The following SCARF1 variants were observed in gnomAD, a reference collection of about 807,000 sequenced individuals.
SCARF1 encodes acetyl LDL receptor.
A neutral mutation model predicts 76.3 loss-of-function variants in SCARF1; 49 were observed. The observed-to-expected ratio is 0.64, with a 90% CI of 0.51 to 0.81. The LOEUF (loss-of-function observed/expected upper bound fraction) is 0.81. SCARF1 is among the 40% of genes least tolerant of loss of function. SCARF1 has a pLI of 0.00. For synonymous variants in SCARF1, 495 were observed against 474.6 expected (o/e 1.04, Z -0.56); for missense variants, 1,098 against 1,143.9 (o/e 0.96, Z 0.58).
Position 1,635,534 on chromosome 17 carries a change from G to A in SCARF1, c.1717C>T (p.Pro573Ser). The A allele has an allele frequency of 1.2e-6, 2 of 1,613,370 alleles. No homozygotes were observed. The highest frequency in any genetic ancestry group is 2.2e-5 in the South Asian group (2 of 91,078). ...AFPPPEDASTPFAIPRTSSLA... is the reference protein window; with the variant it reads ...AFPPPEDASTSFAIPRTSSLA... ...CTGGAGGTGCGCGGGATGGCGAATG[G>A]CGTGGAGGCGTCCTCAGGGGGCGGG... The change falls in exon 11 of 11, where the codon CCA becomes TCA. Residue 573 changes from proline to serine, a missense_variant. Pro to Ser is a moderately conservative substitution (Grantham distance 74). Coordinates refer to ENST00000263071, the MANE Select transcript of SCARF1 (RefSeq NM_003693.4).
chr17:1,640,389 G>T lies in SCARF1; in HGVS notation c.1010+59C>A. Reference sequence around the variant, plus strand: ...GAGGGTGGTGCTCTCGGAGAGAGCCGCTGAGCTGAGGGTCCTGGGGGAAGG... The same window carrying T: ...GAGGGTGGTGCTCTCGGAGAGAGCCTCTGAGCTGAGGGTCCTGGGGGAAGG... On this transcript the variant is annotated intron_variant, in intron 5 of 10. Coordinates refer to ENST00000263071, the MANE Select transcript of SCARF1 (RefSeq NM_003693.4). The surrounding 1 kb of genome is among the most constrained non-coding windows in gnomAD (Gnocchi z 4.7). The T allele has an allele frequency of 1.4e-6, 2 of 1,444,874 alleles. No homozygotes were observed. Among genetic ancestry groups the T allele is most frequent in the Non-Finnish European group, 1.9e-6 (2 of 1,058,646 alleles). The allele number at this position is 1,444,874 out of a possible 1,614,324, so 89.5% of individuals were successfully genotyped here.
chr17:1,635,349 C>T lies in SCARF1; in HGVS notation c.1902G>A (p.Glu634=), dbSNP rs1462741811. 1 of 1,613,248 alleles carries T rather than the reference C, an allele frequency of 6.2e-7. No individual in the cohort carries two copies. The change falls in exon 11 of 11, where the codon GAG becomes GAA. Residue 634 remains glutamate (E), a synonymous_variant. Coordinates refer to ENST00000263071, the MANE Select transcript of SCARF1 (RefSeq NM_003693.4). ...CTTCTGCTTCCTCTGGGCCTGTGGA[C>T]TCTTCGGCTTCCCGGCCCTCAGGAC... ...QSGPEGREAE[E]STGPEEAEAP... is the part of the protein sequence containing the mutation.
Position 1,644,136 on chromosome 17 carries a change from C to T in SCARF1, c.266-169G>A, listed in dbSNP as rs568092850. 29 of 464,040 alleles carry T rather than the reference C, an allele frequency of 6.2e-5. No homozygotes were observed. Among genetic ancestry groups the T allele is most frequent in the Middle Eastern group, 5.8e-4 (1 of 1,714 alleles). 28.7% of individuals were successfully genotyped at this position (464,040 alleles called of 1,614,324 possible). On this transcript the variant is annotated intron_variant, in intron 3 of 10. Transcript: ENST00000263071. This position sits in a 1 kb window ranked among gnomAD's most constrained non-coding sequence, Gnocchi z 4.8. ...CCTGGGCAACACTCACTTCCTGCTC[C>T]GCTCTGACCTACAGAAAACCCTTAG...
intron 10 of SCARF1, 54 bp from the exon 11 acceptor site, chr17:1,635,671 A>C: frequency 6.5e-7 from 1 of 1,542,984 alleles, no homozygotes; most frequent in Non-Finnish European, 8.7e-7. Flanking sequence ...ACCCCAATGC[A>C]TCCTACCCAC....
In SCARF1 at chr17:1,636,776, G is replaced by A. The variant is rs560456238; in HGVS notation, c.1566C>T (p.Ser522=). The A allele has an allele frequency of 6.2e-7, 1 of 1,614,104 alleles. No homozygotes were observed. The highest frequency in any genetic ancestry group is 8.5e-7 in the Non-Finnish European group (1 of 1,180,004). ...PPSAGWATDD[S]FSSDPESGEA... The stretch of plus-strand genomic sequence containing the variant: ...CTCCAGACTCAGGATCGGATGAGAA[G>A]GAGTCATCAGTGGCCCAGCCGGCAG... The change falls in exon 10 of 11, where the codon TCC becomes TCT. Residue 522 remains serine, a synonymous_variant. Coordinates refer to ENST00000263071, the MANE Select transcript of SCARF1 (RefSeq NM_003693.4).
rs1909494184 is a variant in SCARF1, at chr17:1,635,628, A to G, written c.1634-11T>C. On this transcript the variant is annotated splice_polypyrimidine_tract_variant and intron_variant, in intron 10 of 10. Transcript: ENST00000263071. Reference sequence around the variant, plus strand: ...CCACAGGGACCATCCCTGGCAGAGGAGACAGAAGAGCTTGGCTGGAGCTGA... The same window carrying G: ...CCACAGGGACCATCCCTGGCAGAGGGGACAGAAGAGCTTGGCTGGAGCTGA... 1.3e-6 allele frequency: 2 copies of G among 1,594,850 alleles called. No individual in the cohort carries two copies. Among genetic ancestry groups the G allele is most frequent in the Non-Finnish European group, 1.7e-6 (2 of 1,177,140 alleles).
chr17:1,640,536 G>A lies in SCARF1; in HGVS notation c.922C>T (p.Gln308Ter). The A allele has an allele frequency of 1.9e-6, 3 of 1,602,500 alleles. No individual in the cohort carries two copies. Among genetic ancestry groups the A allele is most frequent in the Admixed American group, 1.7e-5 (1 of 59,148 alleles). ...LPGTFGESCE[Q>*]QCPHCRHGEA... ...CCATGTCGGCAGTGAGGGCACTGCT[G>A]TTCGCAGCTCTCGCCAAAGGTGCCA... Residue 308 changes from glutamine (Q) to a stop codon, truncating the protein, a stop_gained, in exon 5 of 11, where the codon CAG (glutamine) becomes TAG (stop). Transcript: ENST00000263071. LOFTEE classifies it high-confidence loss of function. The surrounding 1 kb of genome is among the most constrained non-coding windows in gnomAD (Gnocchi z 4.7).
At position 1,640,094 on chromosome 17, in the gene SCARF1, C is replaced by A; in HGVS notation, c.1011-54G>T. On this transcript the variant is annotated intron_variant, in intron 5 of 10. Transcript: ENST00000263071. This position sits in a 1 kb window ranked among gnomAD's most constrained non-coding sequence, Gnocchi z 4.7. ...GAGACCAAGGCAGGCCTGGCCCCCA[C>A]TGTGGGGCCCCACCCCTCCGCCCCA... is the stretch of plus-strand genomic sequence containing the variant. 1.9e-6 allele frequency: 3 copies of A among 1,592,380 alleles called. No homozygotes were observed. Among genetic ancestry groups the A allele is most frequent in the South Asian group, 2.3e-5 (2 of 88,378 alleles).
Position 1,634,936 on chromosome 17 carries a change from C to G in SCARF1, c.2315G>C (p.Arg772Thr). Residue 772 changes from arginine to threonine, a missense_variant, in exon 11 of 11, where the codon AGA becomes ACA. Arg to Thr is a moderately conservative substitution (Grantham distance 71). Transcript: ENST00000263071. Reference protein sequence around the residue: ...LPGATGPMAVRPEEAVRGLGA... With the variant: ...LPGATGPMAVTPEEAVRGLGA... ...CAGCCCCCGGACCGCTTCCTCTGGT[C>G]TGACTGCCATAGGCCCTGTGGCCCC... 1.9e-6 allele frequency: 3 copies of G among 1,613,596 alleles called. No homozygotes were observed. The highest frequency in any genetic ancestry group is 2.5e-6 in the Non-Finnish European group (3 of 1,179,806).
Position 1,637,080 on chromosome 17 carries a change from G to T in SCARF1, c.1365-18C>A, listed in dbSNP as rs866703604. ...TCGCTGGCCTGAGGGAGGAGGGTAG[G>T]GACACTGGTCAGTACATGAGACCCA... On this transcript the variant is annotated intron_variant, in intron 8 of 10. Coordinates refer to ENST00000263071, the MANE Select transcript of SCARF1 (RefSeq NM_003693.4). The T allele has an allele frequency of 5.6e-6, 9 of 1,613,356 alleles. No homozygotes were observed. The highest frequency in any genetic ancestry group is 1.7e-4 in the Middle Eastern group (1 of 5,918).
rs1174255236 is a variant in SCARF1 at position 1,643,752 on chromosome 17, G to T, written c.481C>A (p.Arg161Ser). The T allele has an allele frequency of 3.1e-6, 4 of 1,292,918 alleles. No individual in the cohort carries two copies. Among genetic ancestry groups the T allele is most frequent in the Non-Finnish European group, 3.9e-6 (4 of 1,024,730 alleles). The allele number at this position is 1,292,918 out of a possible 1,614,324, so 80.1% of individuals were successfully genotyped here. The change falls in exon 4 of 11, where the codon CGC becomes AGC. Residue 161 changes from arginine (R) to serine (S), a missense_variant. Coordinates refer to ENST00000263071, the MANE Select transcript of SCARF1 (RefSeq NM_003693.4). The stretch of plus-strand genomic sequence containing the variant: ...GCCGCGGTGTTGCACTGGCACGGGC[G>T]GCGGCACGTGGACGACCACCAGCCG... Reference protein sequence around the residue: ...EPGWWSSTCRRPCQCNTAAAR... With the variant: ...EPGWWSSTCRSPCQCNTAAAR...
rs952632677 is a variant in SCARF1, at chr17:1,640,290, C to T, written c.1010+158G>A. The T allele has an allele frequency of 4.9e-6, 4 of 816,244 alleles. No homozygotes were observed. The highest frequency in any genetic ancestry group is 7.6e-6 in the Non-Finnish European group (4 of 526,632). The allele number at this position is 816,244 out of a possible 1,614,324, so 50.6% of individuals were successfully genotyped here. On this transcript the variant is annotated intron_variant, in intron 5 of 10. Coordinates refer to ENST00000263071, the MANE Select transcript of SCARF1 (RefSeq NM_003693.4). This position sits in a 1 kb window ranked among gnomAD's most constrained non-coding sequence, Gnocchi z 4.7. ...GGAGCTGGGATCCTGCCCAGGCCCC[C>T]CCAGAACCCACTGCTCTCCCCCAGT...
intron 4 of SCARF1, among the ~76,000 whole-genome samples, chr17:1,641,664 G>C (rs1202792910): frequency 6.6e-6 from 1 of 152,072 alleles, no homozygotes; most frequent in East Asian, 1.9e-4. Flanking sequence ...GGAGAAGAAG[G>C]GCAGTTTATA....
Position 1,635,552 on chromosome 17 carries a change from G to A in SCARF1, c.1699C>T (p.Pro567Ser), listed in dbSNP as rs1909486871. ...ASLAAGAFPP[P>S]EDASTPFAIP... ...GCGAATGGCGTGGAGGCGTCCTCAG[G>A]GGGCGGGAAAGCACCTGCAGCCAGG... Residue 567 changes from proline to serine, a missense_variant, in exon 11 of 11, where the codon CCT becomes TCT. Physicochemically the swap from Pro to Ser is moderately conservative, Grantham distance 74. Transcript: ENST00000263071. 1 of 1,612,084 alleles carries A rather than the reference G, an allele frequency of 6.2e-7. No homozygotes were observed. The highest frequency in any genetic ancestry group is 1.1e-5 in the South Asian group (1 of 91,074).
At chr17:1,636,616 A>C in intron 10 of SCARF1, 93 bp downstream of exon 10, 1 of 1,445,824 alleles carries the variant, frequency 6.9e-7, no homozygotes. Context: ...AGTCTCAAAA[A>C]AAAATAAAAA....
rs921896327 is a variant in SCARF1 at position 1,642,451 on chromosome 17, C to G, written c.791+991G>C. ...TATGCGGTGTTTGGTTTTTTGTTCT[C>G]GCGATAGTTTACTGAGAATGATGAT... On this transcript the variant is annotated intron_variant, in intron 4 of 10. Coordinates refer to ENST00000263071, the MANE Select transcript of SCARF1 (RefSeq NM_003693.4). 2.0e-5 allele frequency among the ~76,000 whole-genome samples: 3 copies of G among 150,812 alleles called. No individual in the cohort carries two copies. In the East Asian group the frequency reaches 5.9e-4, roughly 30 times the overall value.
intron 10 of SCARF1, among the ~76,000 whole-genome samples, 163 bp from the exon 11 acceptor site, chr17:1,635,780 C>T (rs930780884): frequency 1.4e-4 from 9 of 64,764 alleles, no homozygotes; most frequent in Non-Finnish European, 3.4e-4. Context: ...ACTGTTACTT[C>T]TACACTTTTT....
chr17:1,638,687 C>CAA, intron 8 of SCARF1, 119 bp downstream of exon 8: 2 of 1,218,312 alleles, frequency 1.6e-6, no homozygotes, highest in Non-Finnish European at 2.2e-6. Flanking sequence ...CCACCCCCAT[C>CAA]ACCTCTGACC....
Position 1,644,870 on chromosome 17 carries a change from A to G in SCARF1, c.229T>C (p.Cys77Arg). Residue 77 changes from cysteine to arginine, a missense_variant, in exon 3 of 11, where the codon TGC (cysteine) becomes CGC (arginine). Coordinates refer to ENST00000263071, the MANE Select transcript of SCARF1 (RefSeq NM_003693.4). This position sits in a 1 kb window ranked among gnomAD's most constrained non-coding sequence, Gnocchi z 4.8. ...TGGGCCCCAAAGAATCCAGGCTTGC[A>G]TCGACAGAGGCCCGGCTTCACACAC... ...EVCVKPGLCR[C>R]KPGFFGAHCS... 2.5e-6 allele frequency: 4 copies of G among 1,613,512 alleles called. No homozygotes were observed. The highest frequency in any genetic ancestry group is 3.4e-6 in the Non-Finnish European group (4 of 1,179,942).
Sources: allele counts gnomAD v4.1 joint callset (sites outside exome capture counted in the v4.1 genomes callset), GRCh38; gene constraint gnomAD v4.1.1; non-coding constraint Gnocchi (gnomAD v3.1); transcripts MANE v1.5; gene names NCBI Gene and HGNC (gene_info 2026-07-23, HGNC 2026-07-21).